Variants in MGAT5 observed in about 807,000 individuals in gnomAD.
MGAT5 encodes the protein alpha-1,6-mannosylglycoprotein 6-beta-N-acetylglucosaminyltransferase A.
MGAT5 carries 30 observed loss-of-function variants against 94.3 expected under a neutral mutation model. The ratio of observed to expected loss-of-function variants is 0.32; its 90% CI spans 0.24 to 0.43. MGAT5 has a LOEUF of 0.43. Ranked by LOEUF, MGAT5 falls within the 20% of genes least tolerant of loss-of-function variation. MGAT5 has a pLI of 1.00. For synonymous variants in MGAT5, 310 were observed against 322.9 expected, an observed-to-expected ratio of 0.96 and a Z score of 0.43; for missense variants, 691 against 905.5, an observed-to-expected ratio of 0.76 and a Z score of 3.04.
intron 1 of MGAT5, among the ~76,000 whole-genome samples, chr2:134,198,438 G>T (rs1679606426): frequency 2.6e-5 from 4 of 152,170 alleles, no homozygotes. Flanking sequence ...TTTTACCCTT[G>T]AGTCTAGCTG....
intron 1 of MGAT5, among the ~76,000 whole-genome samples, chr2:134,161,159 G>A (rs530252538): frequency 1.3e-5 from 2 of 152,338 alleles, no homozygotes; most frequent in South Asian, 4.1e-4. Context: ...GTGAAGGACA[G>A]ACGTTGTCAC....
chr2:134,367,882 G>A (rs11888476), intron 10 of MGAT5, among the ~76,000 whole-genome samples: 7,865 of 152,300 alleles, frequency 0.052, 684 homozygotes, highest in African/African-American at 0.18. Flanking sequence ...AATCTGCACA[G>A]TGTTTCTGCT....
At chr2:134,165,723 T>A (rs1687938426) in intron 1 of MGAT5, among the ~76,000 whole-genome samples, 1 of 151,512 alleles carries the variant, frequency 6.6e-6, no homozygotes, top group Non-Finnish European at 1.5e-5. Flanking sequence ...TGCAGTGAGC[T>A]GAGATGGTGC....
At chr2:134,274,884 A>T (rs557858140) in intron 2 of MGAT5, among the ~76,000 whole-genome samples, 14 of 152,200 alleles carry the variant, frequency 9.2e-5, no homozygotes, top group Non-Finnish European at 2.1e-4. Flanking sequence ...TTGAAGTGCA[A>T]TGTATTTGAA....
chr2:134,182,292 C>G (rs1037369611), intron 1 of MGAT5, among the ~76,000 whole-genome samples: 30 of 152,070 alleles, frequency 2.0e-4, no homozygotes, highest in African/African-American at 7.0e-4. Flanking sequence ...TAGCTATATG[C>G]CATACATAGG....
At chr2:134,239,800 G>C (rs768580738) in intron 1 of MGAT5, among the ~76,000 whole-genome samples, 1 of 151,790 alleles carries the variant, frequency 6.6e-6, no homozygotes. Flanking sequence ...GGAGTAAAAC[G>C]TAATACAAGA....
intron 1 of MGAT5, among the ~76,000 whole-genome samples, chr2:134,225,355 G>C (rs566234794): frequency 2.6e-5 from 4 of 152,296 alleles, no homozygotes; most frequent in African/African-American, 4.8e-5. Flanking sequence ...TGGATGACCA[G>C]ATCCTCACAC....
intron 1 of MGAT5, among the ~76,000 whole-genome samples, chr2:134,129,889 C>G (rs1686043708): frequency 6.6e-6 from 1 of 152,214 alleles, no homozygotes; most frequent in South Asian, 2.1e-4. Flanking sequence ...GAGCCCCTCT[C>G]TGGGCTGGCT....
At chr2:134,258,993 A>G (rs900381379) in intron 1 of MGAT5, among the ~76,000 whole-genome samples, 3 of 152,372 alleles carry the variant, frequency 2.0e-5, no homozygotes, top group African/African-American at 7.2e-5. Context: ...CTTGAAGAGT[A>G]TCTTCCCTTC....
At chr2:134,354,439 A>G (rs1438807021) in intron 9 of MGAT5, among the ~76,000 whole-genome samples, 2 of 152,162 alleles carry the variant, frequency 1.3e-5, no homozygotes, top group Admixed American at 6.5e-5. Flanking sequence ...AAAATACACC[A>G]TTGGGATGCA....
At chr2:134,232,161 G>A (rs1681403731) in intron 1 of MGAT5, among the ~76,000 whole-genome samples, 1 of 152,066 alleles carries the variant, frequency 6.6e-6, no homozygotes, top group Admixed American at 6.6e-5. Flanking sequence ...GACCTCTTAA[G>A]TATTTCTAGC....
intron 1 of MGAT5, among the ~76,000 whole-genome samples, chr2:134,131,641 A>G (rs945570246): frequency 7.2e-5 from 9 of 124,924 alleles, no homozygotes; most frequent in Non-Finnish European, 1.4e-4. Context: ...AACTCCCTGT[A>G]TCCACTATCC....
At chr2:134,269,565 G>A (rs1683903686) in intron 1 of MGAT5, among the ~76,000 whole-genome samples, 1 of 152,212 alleles carries the variant, frequency 6.6e-6, no homozygotes, top group South Asian at 2.1e-4. Flanking sequence ...TTTTAGAGGA[G>A]AGAGTCTAAG....
intron 11 of MGAT5, among the ~76,000 whole-genome samples, 169 bp downstream of exon 11, chr2:134,403,306 A>C (rs1683159727): frequency 1.3e-5 from 2 of 152,206 alleles, no homozygotes. Context: ...TTGTGGAATG[A>C]GATTGCTACA....
chr2:134,396,855 G>A (rs1354330025), intron 10 of MGAT5, among the ~76,000 whole-genome samples: 1 of 152,252 alleles, frequency 6.6e-6, no homozygotes, highest in African/African-American at 2.4e-5. Flanking sequence ...GCAGGAAGAT[G>A]GTTAAGGCAC....
At chr2:134,322,462 CAT>C (rs1687390233) in intron 4 of MGAT5, among the ~76,000 whole-genome samples, 1 of 152,164 alleles carries the variant, frequency 6.6e-6, no homozygotes, top group African/African-American at 2.4e-5. Flanking sequence ...AGCTAATTAA[CAT>C]GTGCATTACT....
At position 134,344,238 on chromosome 2, in the gene MGAT5, T is replaced by A. The variant is rs1176180358; in HGVS notation, c.978-692T>A. ...CACGCTCTGAGCGCAAGTATGGTTTTGTGTGGATGGATGCATGGGTGGGGG... is the reference window on the plus strand; with the variant it reads ...CACGCTCTGAGCGCAAGTATGGTTTAGTGTGGATGGATGCATGGGTGGGGG... On this transcript the variant is annotated intron_variant, in intron 7 of 15. Coordinates refer to ENST00000281923, the MANE Select transcript of MGAT5 (RefSeq NM_002410.5). Among the ~76,000 whole-genome samples, 3 of 152,160 alleles carry A rather than the reference T, an allele frequency of 2.0e-5. No individual in the cohort carries two copies. The East Asian group carries it at 5.8e-4, about 29-fold the overall frequency.
upstream of MGAT5, among the ~76,000 whole-genome samples, chr2:134,249,791 T>C (rs1252190078): frequency 6.6e-6 from 1 of 152,260 alleles, no homozygotes; most frequent in African/African-American, 2.4e-5. Flanking sequence ...GAAGCAGAAT[T>C]GTTTGGATCA....
chr2:134,436,986 C>T (rs1290838124), intron 14 of MGAT5, among the ~76,000 whole-genome samples: 1 of 152,160 alleles, frequency 6.6e-6, no homozygotes, highest in Non-Finnish European at 1.5e-5. Context: ...GCACTAGCTT[C>T]AGGCTTTTGT....
Sources: gnomAD v4.1 joint callset for allele counts (sites outside exome capture counted in the v4.1 genomes callset) on GRCh38, gnomAD v4.1.1 for gene constraint, MANE v1.5 for transcripts, NCBI Gene and HGNC (gene_info 2026-07-23, HGNC 2026-07-21) for gene names.